The following KCNB2 variants were observed in gnomAD, a reference collection of about 807,000 sequenced individuals.
KCNB2 encodes the protein delayed rectifier potassium channel protein.
A neutral mutation model predicts 61.5 loss-of-function variants in KCNB2; 15 were observed. The ratio of observed to expected loss-of-function variants is 0.24; its 90% CI spans 0.16 to 0.38. KCNB2 has a LOEUF of 0.38. Ranked by LOEUF, KCNB2 falls within the 10% of genes least tolerant of loss-of-function variation. The pLI, the probability that KCNB2 is intolerant of heterozygous loss-of-function variation, is 1.00. For synonymous variants in KCNB2, 457 were observed against 446.0 expected, an observed-to-expected ratio of 1.02 and a Z score of -0.31; for missense variants, 828 against 1,125.2, an observed-to-expected ratio of 0.74 and a Z score of 3.78.
chr8:72,545,840 G>A (rs1806249649), intron 1 of KCNB2, among the ~76,000 whole-genome samples: 1 of 152,124 alleles, frequency 6.6e-6, no homozygotes, highest in African/African-American at 2.4e-5. Context: ...AATTAAAAAT[G>A]TTACTCCAAT....
At chr8:72,579,512 T>G (rs921788402) in intron 2 of KCNB2, among the ~76,000 whole-genome samples, 3 of 152,216 alleles carry the variant, frequency 2.0e-5, no homozygotes, top group African/African-American at 7.2e-5. Flanking sequence ...AATCAGCATC[T>G]ACATAATACT....
At chr8:72,725,603 A>ATGTATATATATATATATATATATG (rs1438518658) in intron 2 of KCNB2, among the ~76,000 whole-genome samples, 1 of 110,972 alleles carries the variant, frequency 9.0e-6, no homozygotes, top group Non-Finnish European at 1.7e-5. Context: ...ATATATATAT[A>ATGTATATATATATATATATATATG]TATATATATA....
chr8:72,541,528 C>T (rs1434492883), intron 1 of KCNB2, among the ~76,000 whole-genome samples: 1 of 151,964 alleles, frequency 6.6e-6, no homozygotes, highest in Non-Finnish European at 1.5e-5. Flanking sequence ...TAAAAACGAG[C>T]CCAGGCAGAA....
chr8:72,824,220 C>T (rs893891), intron 2 of KCNB2, among the ~76,000 whole-genome samples: 101,801 of 151,196 alleles, frequency 0.67, 34,514 homozygotes, highest in Middle Eastern at 0.78. Context: ...TTCATGCCAC[C>T]CCCTTCCTGT....
rs117158905 is a variant in KCNB2, at chr8:72,704,637, A to G, written c.579+136324A>G. Among the ~76,000 whole-genome samples the G allele has an allele frequency of 3.2e-3, 492 of 152,164 alleles. 1 individual carries two copies. The highest frequency in any genetic ancestry group is 0.014 in the East Asian group (70 of 5,156). ...AGCTTTCAGAGGGACTCTCCTACCTAGCACCAAAACTATGGAGTAGGCTTC... is the reference window on the plus strand; with the variant it reads ...AGCTTTCAGAGGGACTCTCCTACCTGGCACCAAAACTATGGAGTAGGCTTC... On this transcript the variant is annotated intron_variant, in intron 2 of 2. Transcript: ENST00000523207.
chr8:72,810,632 A>T (rs974173608), intron 2 of KCNB2, among the ~76,000 whole-genome samples: 1 of 152,240 alleles, frequency 6.6e-6, no homozygotes, highest in African/African-American at 2.4e-5. Context: ...TTTATAGTAT[A>T]GCTATTAGAG....
chr8:72,837,048 G>A (rs567900458), intron 2 of KCNB2, among the ~76,000 whole-genome samples: 1 of 152,104 alleles, frequency 6.6e-6, no homozygotes, highest in African/African-American at 2.4e-5. Flanking sequence ...CCAGATGATG[G>A]CATCTAATTC....
intron 2 of KCNB2, among the ~76,000 whole-genome samples, chr8:72,785,552 C>T (rs1335864820): frequency 6.6e-6 from 1 of 152,076 alleles, no homozygotes; most frequent in Non-Finnish European, 1.5e-5. Context: ...TTTAATAATG[C>T]TCTTTAATTG....
intron 2 of KCNB2, among the ~76,000 whole-genome samples, chr8:72,853,016 G>C (rs558160034): frequency 6.6e-6 from 1 of 152,154 alleles, no homozygotes; most frequent in Non-Finnish European, 1.5e-5. Flanking sequence ...GAAATCATTG[G>C]TTTCTATTCA....
chr8:72,904,386 G>C (rs1021480902), intron 2 of KCNB2, among the ~76,000 whole-genome samples: 2 of 152,058 alleles, frequency 1.3e-5, no homozygotes, highest in Non-Finnish European at 1.5e-5. Flanking sequence ...GGAGGGAGAG[G>C]ATCAGGAAGA....
intron 2 of KCNB2, among the ~76,000 whole-genome samples, chr8:72,596,396 A>G (rs1361622910): frequency 1.3e-5 from 2 of 152,192 alleles, no homozygotes; most frequent in Non-Finnish European, 2.9e-5. Context: ...AATTTTCCAC[A>G]GCTATAAGTT....
chr8:72,587,501 A>G (rs183383782), intron 2 of KCNB2, among the ~76,000 whole-genome samples: 1 of 152,328 alleles, frequency 6.6e-6, no homozygotes, highest in East Asian at 1.9e-4. Flanking sequence ...AGGCAGGAGC[A>G]TCAATCTTTT....
intron 2 of KCNB2, among the ~76,000 whole-genome samples, chr8:72,910,760 A>G (rs1056974617): frequency 5.9e-5 from 9 of 152,250 alleles, no homozygotes; most frequent in Non-Finnish European, 1.2e-4. Context: ...GATATGGCTC[A>G]CTATTTAATA....
chr8:72,615,707 C>T (rs1805609634), intron 2 of KCNB2, among the ~76,000 whole-genome samples: 1 of 152,176 alleles, frequency 6.6e-6, no homozygotes, highest in African/African-American at 2.4e-5. Flanking sequence ...TTTGATACCT[C>T]TACTGTACTC....
At chr8:72,838,456 G>A (rs1809820151) in intron 2 of KCNB2, among the ~76,000 whole-genome samples, 1 of 151,944 alleles carries the variant, frequency 6.6e-6, no homozygotes, top group Admixed American at 6.6e-5. Context: ...CCTTTTTTTG[G>A]CTGCATAGTA....
intron 2 of KCNB2, among the ~76,000 whole-genome samples, chr8:72,580,963 C>T (rs1260240066): frequency 6.6e-6 from 1 of 152,136 alleles, no homozygotes; most frequent in East Asian, 1.9e-4. Context: ...GTCCAAACTC[C>T]TTAGCATTGC....
chr8:72,841,347 C>T (rs914378603), intron 2 of KCNB2, among the ~76,000 whole-genome samples: 2 of 137,222 alleles, frequency 1.5e-5, no homozygotes, highest in East Asian at 2.1e-4. Flanking sequence ...ATACCTCCAA[C>T]TTTGTTTTCT....
intron 2 of KCNB2, among the ~76,000 whole-genome samples, chr8:72,655,785 T>C (rs1251347408): frequency 6.6e-6 from 1 of 152,144 alleles, no homozygotes; most frequent in Non-Finnish European, 1.5e-5. Context: ...AGTCACATTA[T>C]TCTAAAAGAT....
intron 2 of KCNB2, among the ~76,000 whole-genome samples, chr8:72,909,584 C>T (rs539426017): frequency 4.6e-4 from 70 of 152,106 alleles, no homozygotes; most frequent in Admixed American, 1.6e-3. Context: ...ATGATGGTTA[C>T]AACATGGTGG....
Sources: gnomAD v4.1 joint callset for allele counts (sites outside exome capture counted in the v4.1 genomes callset) on GRCh38, gnomAD v4.1.1 for gene constraint, MANE v1.5 for transcripts, NCBI Gene and HGNC (gene_info 2026-07-23, HGNC 2026-07-21) for gene names.